Variants in KIF13B observed in about 807,000 individuals in gnomAD.
KIF13B encodes the protein kinesin-like protein KIF13B.
Under a neutral mutation model 222.0 loss-of-function variants are expected in KIF13B, and 127 were observed. That is an observed-to-expected ratio of 0.57 (90% CI 0.50 to 0.66). The LOEUF (loss-of-function observed/expected upper bound fraction) is 0.66, where lower values mean the gene tolerates loss of function less well. KIF13B is among the 30% of genes least tolerant of loss of function. KIF13B has a pLI of 0.00. For synonymous variants in KIF13B, 976 were observed against 919.0 expected, an observed-to-expected ratio of 1.06 and a Z score of -1.12; for missense variants, 2,173 against 2,379.0, an observed-to-expected ratio of 0.91 and a Z score of 1.80.
chr8:29,251,967 C>T (rs1317497175), intron 1 of KIF13B, among the ~76,000 whole-genome samples: 1 of 147,298 alleles, frequency 6.8e-6, no homozygotes, highest in Non-Finnish European at 1.5e-5. Flanking sequence ...GTACTCAGAA[C>T]CACAAATGCT....
intron 37 of KIF13B, among the ~76,000 whole-genome samples, chr8:29,078,647 T>A (rs898408719): frequency 6.6e-6 from 1 of 152,216 alleles, no homozygotes; most frequent in Non-Finnish European, 1.5e-5. Flanking sequence ...GACTGTGAAG[T>A]ATTTTGCAGC....
intron 24 of KIF13B, among the ~76,000 whole-genome samples, chr8:29,129,073 T>TTTTGC (rs1328853587): frequency 6.6e-6 from 1 of 152,206 alleles, no homozygotes; most frequent in African/African-American, 2.4e-5. Context: ...AAATTGCGGT[T>TTTTGC]TTTGCCATCA....
intron 8 of KIF13B, among the ~76,000 whole-genome samples, chr8:29,179,500 G>A (rs530408943): frequency 1.7e-4 from 26 of 152,246 alleles, no homozygotes; most frequent in African/African-American, 6.0e-4. Context: ...GTGGGCCATC[G>A]GTGCACTTAA....
chr8:29,160,893 A>G lies in KIF13B; in HGVS notation c.1270-26T>C, dbSNP rs371569685. 15 of 1,605,846 alleles carry G rather than the reference A, an allele frequency of 9.3e-6. No homozygotes were observed. In the African/African-American group the frequency reaches 1.9e-4, roughly 20 times the overall value. ...CTGTAAATGTTATCAGAGAAGTATT[A>G]ATTTCACAGCTATTGAGGCAGTGAG... On this transcript the variant is annotated intron_variant, in intron 12 of 39. Coordinates refer to ENST00000524189, the MANE Select transcript of KIF13B (RefSeq NM_015254.4).
At position 29,245,367 on chromosome 8, in the gene KIF13B, T is replaced by C. The variant is rs1400344030; in HGVS notation, c.128A>G (p.Asn43Ser). Residue 43 changes from asparagine to serine, a missense_variant, in exon 2 of 40, where the codon AAT becomes AGT. Physicochemically the swap from Asn to Ser is conservative, Grantham distance 46 (BLOSUM62 1). This residue lies in a region of KIF13B where 1,480 missense variants were observed against 1,722.8 expected (regional missense o/e 0.86). Coordinates refer to ENST00000524189, the MANE Select transcript of KIF13B (RefSeq NM_015254.4). ...TCACCGGGCATCTCCTTTGGAAAGA[T>C]TCGTATTTACAGGATTAAGAATAAC... ...NKVILNPVNTNLSKGDARGQP... is the reference protein window; with the variant it reads ...NKVILNPVNTSLSKGDARGQP... 1 of 1,598,900 alleles carries C rather than the reference T, an allele frequency of 6.3e-7. No homozygotes were observed. The highest frequency in any genetic ancestry group is 8.5e-7 in the Non-Finnish European group (1 of 1,171,768).
At chr8:29,193,279 A>T (rs909433461) in intron 3 of KIF13B, among the ~76,000 whole-genome samples, 1 of 152,202 alleles carries the variant, frequency 6.6e-6, no homozygotes, top group Non-Finnish European at 1.5e-5. Context: ...GCTAAAACGT[A>T]TATCTATCAG....
At chr8:29,255,838 C>T (rs1218221347) in intron 1 of KIF13B, among the ~76,000 whole-genome samples, 1 of 152,024 alleles carries the variant, frequency 6.6e-6, no homozygotes, top group Non-Finnish European at 1.5e-5. Flanking sequence ...TGATTGCTTT[C>T]ACCTTTCACT....
At chr8:29,159,564 C>T (rs1024667220) in intron 13 of KIF13B, among the ~76,000 whole-genome samples, 3 of 152,160 alleles carry the variant, frequency 2.0e-5, no homozygotes, top group Admixed American at 6.5e-5. Flanking sequence ...CTTCTGTTTA[C>T]GAAGTACTTC....
intron 1 of KIF13B, among the ~76,000 whole-genome samples, chr8:29,257,109 T>C (rs11986864): frequency 0.28 from 42,808 of 152,064 alleles, 7,609 homozygotes; most frequent in East Asian, 0.64. Context: ...TTAAAAAGCA[T>C]TGAACTCCAT....
chr8:29,092,816 T>C lies in KIF13B; in HGVS notation c.4387A>G (p.Lys1463Glu), dbSNP rs756724342. Residue 1463 changes from lysine to glutamate, a missense_variant, in exon 37 of 40, where the codon AAG (lysine) becomes GAG (glutamate). Transcript: ENST00000524189. ...PVKSFVPQMP[K>E]LLKSLFPVRD... ...ACGGGAAAGAGAGACTTGAGGAGCT[T>C]TGGCATTTGCGGCACGAAGGATTTG... 10 of 1,613,136 alleles carry C rather than the reference T, an allele frequency of 6.2e-6. No homozygotes were observed. Among genetic ancestry groups the C allele is most frequent in the African/African-American group, 4.0e-5 (3 of 74,892 alleles).
chr8:29,085,705 CTTT>C (rs71222589), intron 37 of KIF13B, among the ~76,000 whole-genome samples: 17,874 of 48,444 alleles, frequency 0.37, 2,741 homozygotes, highest in Non-Finnish European at 0.42. Flanking sequence ...AAATACTCTT[CTTT>C]TTTTTTTTTT....
At chr8:29,191,817 C>G (rs1813203144) in intron 3 of KIF13B, among the ~76,000 whole-genome samples, 1 of 152,174 alleles carries the variant, frequency 6.6e-6, no homozygotes, top group Admixed American at 6.5e-5. Context: ...CTGACTGCAT[C>G]TTTCACTTTT....
intron 32 of KIF13B, among the ~76,000 whole-genome samples, chr8:29,110,914 C>G (rs1809326456): frequency 1.3e-5 from 2 of 152,204 alleles, no homozygotes; most frequent in Non-Finnish European, 2.9e-5. Context: ...GCCACTGCAT[C>G]TTAAATGCCA....
chr8:29,196,785 T>C (rs10448081), intron 2 of KIF13B, among the ~76,000 whole-genome samples: 90,817 of 152,046 alleles, frequency 0.6, 29,822 homozygotes, highest in Non-Finnish European at 0.75. Flanking sequence ...AATACTTGCA[T>C]TATGCTTAAC....
chr8:29,192,242 T>A (rs1463364), intron 3 of KIF13B, among the ~76,000 whole-genome samples: 2 of 152,140 alleles, frequency 1.3e-5, no homozygotes, highest in African/African-American at 2.4e-5. Flanking sequence ...CAAATCAGTT[T>A]TCACATGGTG....
At chr8:29,256,311 G>A (rs943343250) in intron 1 of KIF13B, among the ~76,000 whole-genome samples, 2 of 152,184 alleles carry the variant, frequency 1.3e-5, no homozygotes, top group African/African-American at 4.8e-5. Flanking sequence ...GATTCCCCAA[G>A]TTCAGTGATC....
intron 2 of KIF13B, among the ~76,000 whole-genome samples, chr8:29,208,246 T>G (rs946005317): frequency 6.6e-6 from 1 of 152,206 alleles, no homozygotes; most frequent in Admixed American, 6.5e-5. Context: ...ACCTACCATA[T>G]CACCTACTTG....
chr8:29,168,622 G>A (rs1812108769), intron 10 of KIF13B, among the ~76,000 whole-genome samples: 1 of 152,198 alleles, frequency 6.6e-6, no homozygotes, highest in Admixed American at 6.5e-5. Context: ...CCTACGAAGA[G>A]AGGCCCACAG....
intron 2 of KIF13B, among the ~76,000 whole-genome samples, chr8:29,234,897 GATT>G (rs1815440166): frequency 6.6e-6 from 1 of 152,094 alleles, no homozygotes; most frequent in South Asian, 2.1e-4. Context: ...AGTGTTGCCA[GATT>G]CAGATTATTT....
Sources: allele counts gnomAD v4.1 joint callset (sites outside exome capture counted in the v4.1 genomes callset), GRCh38; gene constraint gnomAD v4.1.1; regional missense constraint gnomAD v4.1.1; transcripts MANE v1.5; gene names NCBI Gene and HGNC (gene_info 2026-07-23, HGNC 2026-07-21).